DMD: variants seen among roughly 807,000 people sequenced by gnomAD.
The protein encoded by DMD is dystrophin.
In DMD, 63 loss-of-function variants were observed where a neutral mutation model predicts 330.1. The observed-to-expected ratio is 0.19, with a 90% CI of 0.16 to 0.24. DMD has a LOEUF of 0.24. Among genes scored for constraint, DMD ranks in the 10% least tolerant of loss-of-function variants. DMD has a pLI of 1.00. For synonymous variants in DMD, 1,223 were observed against 959.8 expected (o/e 1.27, Z -5.07); for missense variants, 3,344 against 2,684.1 (o/e 1.25, Z -5.43).
At chrX:31,840,827 C>T (rs746826576) in intron 48 of DMD, among the ~76,000 whole-genome samples, 2 of 110,449 alleles carry the variant, frequency 1.8e-5, no homozygotes, top group African/African-American at 3.3e-5. Context: ...GTATTCTGAA[C>T]GCTCCACTGA....
chrX:31,926,693 AAAAAT>A (rs1292382405), intron 47 of DMD, among the ~76,000 whole-genome samples: 3 of 111,500 alleles, frequency 2.7e-5, no homozygotes, highest in Admixed American at 1.9e-4. Flanking sequence ...AAATAAAAAA[AAAAAT>A]AAAATAAAGG....
intron 43 of DMD, among the ~76,000 whole-genome samples, chrX:32,287,081 G>A (rs192950333): frequency 9.0e-6 from 1 of 110,592 alleles, no homozygotes; most frequent in East Asian, 2.8e-4. Context: ...TGTGGGGGAG[G>A]GTAATGCAAA....
At chrX:32,157,068 G>A (rs2096833121) in intron 44 of DMD, among the ~76,000 whole-genome samples, 1 of 112,194 alleles carries the variant, frequency 8.9e-6, no homozygotes, top group South Asian at 3.7e-4. Flanking sequence ...GACAATATCT[G>A]CAGATTATGA....
chrX:32,123,365 G>C (rs1293765816), intron 44 of DMD, among the ~76,000 whole-genome samples: 1 of 104,701 alleles, frequency 9.6e-6, no homozygotes, highest in Non-Finnish European at 2.0e-5. Flanking sequence ...ACAGATCTGC[G>C]GGCTCCACTC....
intron 50 of DMD, among the ~76,000 whole-genome samples, chrX:31,806,031 C>G (rs1301099401): frequency 2.7e-5 from 3 of 111,936 alleles, no homozygotes; most frequent in African/African-American, 9.7e-5. Flanking sequence ...ACCTCATTAG[C>G]AGAGTTGAGT....
intron 44 of DMD, among the ~76,000 whole-genome samples, chrX:32,004,044 A>G (rs2095645087): frequency 9.0e-6 from 1 of 110,942 alleles, no homozygotes; most frequent in Admixed American, 9.7e-5. Flanking sequence ...ATTTTATTTA[A>G]TTTTGACAAC....
At chrX:31,886,795 A>C (rs929027186) in intron 47 of DMD, among the ~76,000 whole-genome samples, 10 of 111,807 alleles carry the variant, frequency 8.9e-5, no homozygotes, top group African/African-American at 3.2e-4. Flanking sequence ...ATTTTAGTGC[A>C]CTTAGACCAG....
chrX:31,374,816 G>A (rs2059800618), intron 60 of DMD, among the ~76,000 whole-genome samples: 1 of 110,234 alleles, frequency 9.1e-6, no homozygotes, highest in Non-Finnish European at 1.9e-5. Flanking sequence ...AAAACTTAAA[G>A]TATAATAAAA....
chrX:32,486,259 C>T (rs1410684718), intron 20 of DMD, among the ~76,000 whole-genome samples: 2 of 111,536 alleles, frequency 1.8e-5, no homozygotes, highest in Non-Finnish European at 3.8e-5. Flanking sequence ...ATGTTTAATT[C>T]TGAAGATTAA....
At chrX:31,711,954 T>C (rs916278379) in intron 52 of DMD, among the ~76,000 whole-genome samples, 2 of 111,055 alleles carry the variant, frequency 1.8e-5, no homozygotes, top group Non-Finnish European at 3.8e-5. Flanking sequence ...TACTTATACA[T>C]ATATAGTATA....
chrX:32,844,999 T>A, intron 3 of DMD, 139 bp from the exon 4 acceptor site: 1 of 555,454 alleles, frequency 1.8e-6, no homozygotes, highest in East Asian at 3.7e-5. Context: ...ATAATGAATC[T>A]AAATACTTTG....
chrX:31,577,871 A>AAGAAGGGC (rs1240158883), intron 55 of DMD, among the ~76,000 whole-genome samples: 5 of 111,758 alleles, frequency 4.5e-5, no homozygotes, highest in African/African-American at 1.6e-4. Context: ...TTATCTTTAA[A>AAGAAGGGC]AGAAGGGGCC....
chrX:32,652,696 G>A (rs1411626162), intron 9 of DMD, among the ~76,000 whole-genome samples: 2 of 111,186 alleles, frequency 1.8e-5, no homozygotes, highest in African/African-American at 3.3e-5. Flanking sequence ...GGATGGCTGG[G>A]TCAAATGGTA....
At chrX:32,951,609 C>T (rs1005637968) in intron 2 of DMD, among the ~76,000 whole-genome samples, 2 of 111,473 alleles carry the variant, frequency 1.8e-5, no homozygotes, top group African/African-American at 6.5e-5. Context: ...TTTCTGAAAC[C>T]TTTCCCACCC....
At chrX:32,691,897 G>T (rs1011523110) in intron 9 of DMD, among the ~76,000 whole-genome samples, 1 of 111,724 alleles carries the variant, frequency 9.0e-6, no homozygotes, top group African/African-American at 3.2e-5. Flanking sequence ...AGTGAAATAA[G>T]ACAGTCACAT....
chrX:31,928,588 A>G (rs951310838), intron 47 of DMD, among the ~76,000 whole-genome samples: 2 of 110,061 alleles, frequency 1.8e-5, no homozygotes, highest in East Asian at 2.9e-4. Flanking sequence ...CCTGAGCGAC[A>G]CAGCGAGACT....
intron 55 of DMD, among the ~76,000 whole-genome samples, chrX:31,523,802 A>G (rs1400769489): frequency 2.7e-5 from 3 of 112,129 alleles, no homozygotes; most frequent in Non-Finnish European, 5.6e-5. Flanking sequence ...TCAAAGGAAA[A>G]GATAATTAAG....
chrX:32,504,156 T>G (rs1245266695), intron 18 of DMD, among the ~76,000 whole-genome samples: 2 of 112,383 alleles, frequency 1.8e-5, no homozygotes, highest in Non-Finnish European at 3.8e-5. Flanking sequence ...GCATAAACCT[T>G]ACACCCTTCT....
chrX:32,508,021 A>G (rs539948255), intron 18 of DMD, among the ~76,000 whole-genome samples: 4 of 110,429 alleles, frequency 3.6e-5, no homozygotes, highest in African/African-American at 1.3e-4. Context: ...AATATATATC[A>G]GAGCAAACAG....
Sources: allele counts gnomAD v4.1 joint callset (sites outside exome capture counted in the v4.1 genomes callset), GRCh38; gene constraint gnomAD v4.1.1; transcripts MANE v1.5; gene names NCBI Gene and HGNC (gene_info 2026-07-23, HGNC 2026-07-21).